The following RPN2 variants were observed in gnomAD, a reference collection of about 807,000 sequenced individuals.
RPN2 encodes the protein dolichyl-diphosphooligosaccharide--protein glycosyltransferase subunit 2.
A neutral mutation model predicts 71.4 loss-of-function variants in RPN2; 29 were observed. The ratio of observed to expected loss-of-function variants is 0.41; its 90% CI spans 0.30 to 0.55. The LOEUF (loss-of-function observed/expected upper bound fraction) is 0.55, where lower values mean the gene tolerates loss of function less well. Among genes scored for constraint, RPN2 ranks in the 20% least tolerant of loss-of-function variants. The probability of loss-of-function intolerance (pLI) is 0.35; values close to 1 mark genes in which losing one functional copy is unlikely to be tolerated. For synonymous variants in RPN2, 308 were observed against 305.0 expected, an observed-to-expected ratio of 1.01 and a Z score of -0.10; for missense variants, 726 against 774.1, an observed-to-expected ratio of 0.94 and a Z score of 0.74.
intron 13 of RPN2, 124 bp downstream of exon 13, chr20:37,230,183 G>GA: frequency 1.2e-6 from 1 of 819,754 alleles, no homozygotes; most frequent in Non-Finnish European, 2.1e-6. Flanking sequence ...ACACCCTGTG[G>GA]ATTAGGCAGG....
chr20:37,233,730 C>T (rs544800474), intron 14 of RPN2, among the ~76,000 whole-genome samples: 57 of 152,176 alleles, frequency 3.7e-4, no homozygotes, highest in Non-Finnish European at 7.2e-4. Flanking sequence ...GCTTCATGGT[C>T]TCACCTGTTT....
At chr20:37,230,130 G>T in intron 13 of RPN2, 71 bp downstream of exon 13, 1 of 1,158,846 alleles carries the variant, frequency 8.6e-7, no homozygotes, top group South Asian at 1.2e-5. Context: ...CAGTGGCTCT[G>T]CTCCCTTTAA....
At chr20:37,183,850 G>A (rs565248301) in intron 1 of RPN2, among the ~76,000 whole-genome samples, 1 of 152,350 alleles carries the variant, frequency 6.6e-6, no homozygotes, top group South Asian at 2.1e-4. Flanking sequence ...AAGCGCGAGG[G>A]AGGAGATCTG....
At chr20:37,180,555 C>T (rs1032023031) in intron 1 of RPN2, among the ~76,000 whole-genome samples, 1 of 152,092 alleles carries the variant, frequency 6.6e-6, no homozygotes, top group Non-Finnish European at 1.5e-5. Flanking sequence ...AATTTACGGT[C>T]TAGGTGGGAA....
chr20:37,195,732 A>G (rs2067242252), intron 2 of RPN2, among the ~76,000 whole-genome samples: 1 of 152,114 alleles, frequency 6.6e-6, no homozygotes, highest in Admixed American at 6.5e-5. Flanking sequence ...AAAGCACCAG[A>G]TGGCGACAAA....
chr20:37,228,480 G>A, intron 11 of RPN2, 70 bp from the exon 12 acceptor site: 1 of 1,450,898 alleles, frequency 6.9e-7, no homozygotes, highest in Non-Finnish European at 9.7e-7. Flanking sequence ...GCTGCCCGGT[G>A]GATTCAATGT....
At chr20:37,179,455 C>G in intron 1 of RPN2, 86 bp downstream of exon 1, 1 of 1,425,750 alleles carries the variant, frequency 7.0e-7, no homozygotes, top group South Asian at 1.4e-5. Context: ...CAGGCGGGAT[C>G]CCCTTCCCCT....
chr20:37,181,057 CG>C (rs2066859354), intron 1 of RPN2, among the ~76,000 whole-genome samples: 2 of 152,120 alleles, frequency 1.3e-5, no homozygotes, highest in South Asian at 4.1e-4. Context: ...GGTGAAACCC[CG>C]TCTCTACTAA....
intron 6 of RPN2, 141 bp from the exon 7 acceptor site, chr20:37,207,132 C>T: frequency 4.3e-6 from 3 of 693,788 alleles, no homozygotes; most frequent in Non-Finnish European, 7.8e-6. Flanking sequence ...GCGTTTTCTC[C>T]ATCTACGAAT....
chr20:37,199,133 T>C lies in RPN2; in HGVS notation c.387T>C (p.Val129=). Residue 129 remains valine (V), a synonymous_variant, in exon 4 of 17, where the codon GTT becomes GTC. Transcript: ENST00000237530. The stretch of plus-strand genomic sequence containing the variant: ...CTGTTACCCAGATCTACCATGCAGT[T>C]GCAGCTCTAAGTGGCTTTGGCCTTC... The part of the protein sequence containing the change: ...DSSVTQIYHA[V]AALSGFGLPL... 6.2e-7 allele frequency: 1 copy of C among 1,614,174 alleles called. No individual in the cohort carries two copies. The highest frequency in any genetic ancestry group is 8.5e-7 in the Non-Finnish European group (1 of 1,179,976).
chr20:37,219,085 T>G (rs2067889846), intron 9 of RPN2, among the ~76,000 whole-genome samples: 1 of 152,238 alleles, frequency 6.6e-6, no homozygotes. Flanking sequence ...GTTTCACTTT[T>G]CAAGAAACTA....
chr20:37,230,321 C>T (rs2068205250), intron 13 of RPN2, among the ~76,000 whole-genome samples: 1 of 152,194 alleles, frequency 6.6e-6, no homozygotes, highest in South Asian at 2.1e-4. Context: ...CCGGCAGGTT[C>T]AACCCTCAGA....
intron 9 of RPN2, among the ~76,000 whole-genome samples, chr20:37,220,780 T>C (rs2067935093): frequency 6.6e-6 from 1 of 152,218 alleles, no homozygotes; most frequent in African/African-American, 2.4e-5. Flanking sequence ...TAAATTTGCT[T>C]TAAAAGAGTA....
intron 2 of RPN2, among the ~76,000 whole-genome samples, chr20:37,194,324 C>T (rs532848024): frequency 3.9e-5 from 6 of 152,022 alleles, no homozygotes; most frequent in Non-Finnish European, 5.9e-5. Context: ...TGCTGTGGCT[C>T]GATCTCGGCT....
intron 4 of RPN2, among the ~76,000 whole-genome samples, 189 bp downstream of exon 4, chr20:37,199,414 A>G (rs2146565688): frequency 6.6e-6 from 1 of 152,346 alleles, no homozygotes; most frequent in Non-Finnish European, 1.5e-5. Flanking sequence ...GTCCTCGTGG[A>G]GCTCACATGG....
In RPN2 at chr20:37,199,267, C is replaced by T. The variant is rs377232352; in HGVS notation, c.479+42C>T. 206 of 1,607,788 alleles carry T rather than the reference C, an allele frequency of 1.3e-4. No homozygotes were observed. The Middle Eastern group carries it at 1.4e-3, about 11-fold the overall frequency. On this transcript the variant is annotated intron_variant, in intron 4 of 16. Transcript: ENST00000237530. Reference sequence around the variant, plus strand: ...AGCATTTCTCAGGCTTCATTTGTCTCGGGTCCTATCCGAAGAGGGCTCATT... The same window carrying T: ...AGCATTTCTCAGGCTTCATTTGTCTTGGGTCCTATCCGAAGAGGGCTCATT...
intron 2 of RPN2, among the ~76,000 whole-genome samples, chr20:37,191,703 G>A (rs1226633076): frequency 6.6e-6 from 1 of 151,822 alleles, no homozygotes; most frequent in African/African-American, 2.4e-5. Context: ...GAAAGAGTGA[G>A]CATTTTTCAT....
At chr20:37,220,816 G>A (rs368538291) in intron 9 of RPN2, among the ~76,000 whole-genome samples, 2 of 152,184 alleles carry the variant, frequency 1.3e-5, no homozygotes, top group African/African-American at 4.8e-5. Context: ...GCTTTTGAGT[G>A]TTTCCAGAGA....
chr20:37,230,056 T>C lies in RPN2; in HGVS notation c.1578T>C (p.Ile526=), dbSNP rs1403492870. The change falls in exon 13 of 17, where the codon ATT becomes ATC. Residue 526 remains isoleucine, a synonymous_variant. Coordinates refer to ENST00000237530, the MANE Select transcript of RPN2 (RefSeq NM_002951.5). ...ACCTTTTCACTCCAAAACAGGAAAT[T>C]CAGGTATATCCCAAAGGGCCTATCC... The part of the protein sequence containing the change: ...SQNLFTPKQE[I]QHLFREPEKR... 2 of 1,613,102 alleles carry C rather than the reference T, an allele frequency of 1.2e-6. No homozygotes were observed. Among genetic ancestry groups the C allele is most frequent in the Admixed American group, 1.7e-5 (1 of 60,026 alleles).
Sources: gnomAD v4.1 joint callset for allele counts (sites outside exome capture counted in the v4.1 genomes callset) on GRCh38, gnomAD v4.1.1 for gene constraint, MANE v1.5 for transcripts, NCBI Gene and HGNC (gene_info 2026-07-23, HGNC 2026-07-21) for gene names.